The following HERC4 variants were observed in gnomAD, a reference collection of about 807,000 sequenced individuals.
HERC4 encodes the protein probable E3 ubiquitin-protein ligase HERC4.
Under a neutral mutation model 124.3 loss-of-function variants are expected in HERC4, and 28 were observed. That is an observed-to-expected ratio of 0.23 (90% CI 0.17 to 0.31). The LOEUF is 0.31. HERC4 is among the 10% of genes least tolerant of loss of function. The pLI is 1.00. For missense variants in HERC4, 713 were observed against 1,229.3 expected, an observed-to-expected ratio of 0.58 and a Z score of 6.28; for synonymous variants, 407 against 421.5, an observed-to-expected ratio of 0.97 and a Z score of 0.42.
chr10:67,991,738 A>C (rs1319344478), intron 11 of HERC4, among the ~76,000 whole-genome samples: 2 of 152,226 alleles, frequency 1.3e-5, no homozygotes, highest in Non-Finnish European at 2.9e-5. Flanking sequence ...CACAAAGTAT[A>C]AAAGTTAAGA....
At chr10:68,026,932 C>T (rs1490221311) in intron 7 of HERC4, among the ~76,000 whole-genome samples, 1 of 151,648 alleles carries the variant, frequency 6.6e-6, no homozygotes, top group South Asian at 2.1e-4. Flanking sequence ...CCAGGAGGCA[C>T]AGCTTGCCAT....
intron 4 of HERC4, among the ~76,000 whole-genome samples, chr10:68,042,470 A>G (rs1366507993): frequency 6.6e-6 from 1 of 152,222 alleles, no homozygotes; most frequent in Non-Finnish European, 1.5e-5. Flanking sequence ...CAAAAAATAC[A>G]AAATTGGCCA....
chr10:67,949,611 C>A (rs2033649788), intron 19 of HERC4, among the ~76,000 whole-genome samples: 1 of 152,194 alleles, frequency 6.6e-6, no homozygotes, highest in African/African-American at 2.4e-5. Context: ...GGATTATACA[C>A]TATTACCAAG....
intron 15 of HERC4, among the ~76,000 whole-genome samples, chr10:67,970,611 C>T (rs1184284231): frequency 2.0e-5 from 3 of 148,528 alleles, no homozygotes; most frequent in African/African-American, 7.4e-5. Context: ...AAAAAATCAA[C>T]AAACAAAACA....
chr10:68,044,412 T>G lies in HERC4; in HGVS notation c.378A>C (p.Arg126Ser). Residue 126 changes from arginine to serine, a missense_variant, in exon 4 of 25, where the codon AGA (arginine) becomes AGC (serine). Transcript: ENST00000373700. ...CTGGTCACCTTTGTTACCTGGGTAC[T>G]CTGATGCATTCCTCTGATCCTACCA... is the stretch of plus-strand genomic sequence containing the variant. ...LGLVGSEECI[R>S]VPRNIKSLSD... 1 of 1,612,054 alleles carries G rather than the reference T, an allele frequency of 6.2e-7. No homozygotes were observed.
intron 3 of HERC4, among the ~76,000 whole-genome samples, chr10:68,064,054 T>G (rs1481494097): frequency 6.6e-6 from 1 of 151,922 alleles, no homozygotes; most frequent in Admixed American, 6.6e-5. Context: ...AACAGCCTGG[T>G]CAACATGGCA....
chr10:67,922,743 T>A lies in HERC4; in HGVS notation c.*188A>T, dbSNP rs1056792802. 3 of 461,456 alleles carry A rather than the reference T, an allele frequency of 6.5e-6. No individual in the cohort carries two copies. The allele number at this position is 461,456 out of a possible 1,614,324, so 28.6% of individuals were successfully genotyped here. Reference sequence around the variant, plus strand: ...TGGTCAAAAAAAATCCATGGTTCTGTACAATAATATTAACAGTTTGTTCAT... The same window carrying A: ...TGGTCAAAAAAAATCCATGGTTCTGAACAATAATATTAACAGTTTGTTCAT... On this transcript the variant is annotated 3_prime_UTR_variant, in exon 25 of 25. Transcript: ENST00000373700.
intron 9 of HERC4, among the ~76,000 whole-genome samples, chr10:68,000,761 A>C (rs1183407861): frequency 6.6e-6 from 1 of 152,146 alleles, no homozygotes; most frequent in Non-Finnish European, 1.5e-5. Context: ...TACAGAGAGA[A>C]GGCCAAGGTC....
intron 3 of HERC4, among the ~76,000 whole-genome samples, chr10:68,059,553 A>T (rs867084201): frequency 3.0e-4 from 26 of 88,066 alleles, no homozygotes; most frequent in East Asian, 7.7e-4. Context: ...ATATATCATA[A>T]TATATATCAT....
intron 23 of HERC4, 59 bp downstream of exon 23, chr10:67,932,538 C>A: frequency 1.4e-6 from 2 of 1,443,422 alleles, no homozygotes; most frequent in South Asian, 2.5e-5. Context: ...CATAAAAAGG[C>A]AAGATTTCCA....
chr10:67,991,315 C>T (rs1283441159), intron 11 of HERC4, 116 bp from the exon 12 acceptor site: 2 of 476,326 alleles, frequency 4.2e-6, no homozygotes, highest in African/African-American at 4.0e-5. Flanking sequence ...ACAGAGCACT[C>T]CTCTAACACC....
At position 68,070,017 on chromosome 10, in the gene HERC4, G is replaced by A. The variant is rs544869167; in HGVS notation, c.226+2866C>T. On this transcript the variant is annotated intron_variant, in intron 3 of 24. Coordinates refer to ENST00000373700, the MANE Select transcript of HERC4 (RefSeq NM_015601.4). ...AGATCGTGCCACTGCATTCCAGCCT[G>A]GGCAACAGAGTGAGACTCTGTCTCA... The A allele has an allele frequency of 7.6e-4, 663 of 872,556 alleles. 3 individuals are homozygous for A. The African/African-American group carries it at 0.011, about 15-fold the overall frequency. 54.1% of individuals were successfully genotyped at this position (872,556 alleles called of 1,614,324 possible).
chr10:67,965,818 C>T (rs2034829501), intron 16 of HERC4: 1 of 136,842 alleles, frequency 7.3e-6, no homozygotes, highest in African/African-American at 2.4e-5. Flanking sequence ...GAAAAGTGGG[C>T]CTCAAGTATA....
intron 8 of HERC4, among the ~76,000 whole-genome samples, chr10:68,021,845 G>A (rs1407818574): frequency 2.0e-5 from 3 of 150,546 alleles, no homozygotes; most frequent in Non-Finnish European, 4.4e-5. Flanking sequence ...CATTCAAATT[G>A]GAAAGAAAAA....
chr10:67,927,416 A>T (rs1564911034), intron 23 of HERC4, among the ~76,000 whole-genome samples: 6 of 8,970 alleles, frequency 6.7e-4, no homozygotes, highest in African/African-American at 8.7e-4. Context: ...ATATATATAT[A>T]TATATATATA....
intron 8 of HERC4, among the ~76,000 whole-genome samples, chr10:68,016,191 T>C (rs1259325667): frequency 6.6e-6 from 1 of 152,122 alleles, no homozygotes; most frequent in East Asian, 1.9e-4. Flanking sequence ...AGCTCTAGAT[T>C]TGATGTAAGA....
At chr10:67,999,684 T>C (rs991078476) in intron 9 of HERC4, among the ~76,000 whole-genome samples, 4 of 152,188 alleles carry the variant, frequency 2.6e-5, no homozygotes, top group Non-Finnish European at 5.9e-5. Context: ...TAAGAAAGAA[T>C]GAACTGATGA....
intron 9 of HERC4, among the ~76,000 whole-genome samples, chr10:68,013,028 T>C (rs1346028266): frequency 6.6e-6 from 1 of 152,210 alleles, no homozygotes; most frequent in Non-Finnish European, 1.5e-5. Flanking sequence ...CATTTTATTG[T>C]GCTTTGCTTT....
At chr10:68,020,953 A>T (rs2133217977) in intron 8 of HERC4, among the ~76,000 whole-genome samples, 1 of 152,248 alleles carries the variant, frequency 6.6e-6, no homozygotes, top group East Asian at 1.9e-4. Context: ...GCCTAGGGGA[A>T]CCATAGGATA....
Sources: allele counts gnomAD v4.1 joint callset (sites outside exome capture counted in the v4.1 genomes callset), GRCh38; gene constraint gnomAD v4.1.1; transcripts MANE v1.5; gene names NCBI Gene and HGNC (gene_info 2026-07-23, HGNC 2026-07-21).